The following GHRL variants were observed in gnomAD, a reference collection of about 807,000 sequenced individuals.
GHRL encodes appetite-regulating hormone.
GHRL carries 24 observed loss-of-function variants against 16.9 expected under a neutral mutation model. That is an observed-to-expected ratio of 1.42 (90% CI 1.03 to 2.00). The LOEUF (loss-of-function observed/expected upper bound fraction) is 2.00, where lower values mean the gene tolerates loss of function less well. GHRL is among the 30% of genes most tolerant of loss of function. The probability of loss-of-function intolerance (pLI) is 0.00; values close to 1 mark genes in which losing one functional copy is unlikely to be tolerated. For missense variants in GHRL, 193 were observed against 142.1 expected, an observed-to-expected ratio of 1.36 and a Z score of -1.82; for synonymous variants, 63 against 58.2, an observed-to-expected ratio of 1.08 and a Z score of -0.37.
chr3:10,291,119 C>T lies in GHRL; in HGVS notation c.-433G>A, dbSNP rs537604738. 1.0e-6 allele frequency: 1 copy of T among 985,682 alleles called. No individual in the cohort carries two copies. Among genetic ancestry groups the T allele is most frequent in the Non-Finnish European group, 1.2e-6 (1 of 830,074 alleles). 61.1% of individuals were successfully genotyped at this position (985,682 alleles called of 1,614,324 possible). Reference sequence around the variant, plus strand: ...TGTCATCACTAGGAGAGCTCTGAGACCTCCCCAGTCCAGCGCCCCGTTGTT... The same window carrying T: ...TGTCATCACTAGGAGAGCTCTGAGATCTCCCCAGTCCAGCGCCCCGTTGTT... On this transcript the variant is annotated 5_prime_UTR_variant, in exon 2 of 6. Transcript: ENST00000335542.
At chr3:10,287,914 A>ATTTTT (rs1014353877) in intron 4 of GHRL, 20 of 76,796 alleles carry the variant, frequency 2.6e-4, no homozygotes, top group African/African-American at 8.1e-4. Flanking sequence ...ACATGATTGA[A>ATTTTT]TTTTTTTTTT....
Position 10,291,445 on chromosome 3 carries a change from A to C in GHRL, c.-759T>G, listed in dbSNP as rs1004205530. ...GATGCCTCTTCTGAGAGGGAAGTGC[A>C]TTGGACCTGGAGGTGGAAGATCTAC... On this transcript the variant is annotated 5_prime_UTR_variant, in exon 2 of 6. It removes an upstream start codon present in the reference 5' UTR. Coordinates refer to ENST00000335542, the MANE Select transcript of GHRL (RefSeq NM_016362.5). The C allele has an allele frequency of 7.4e-5, 73 of 985,366 alleles. No individual in the cohort carries two copies. Among genetic ancestry groups the C allele is most frequent in the African/African-American group, 1.0e-4 (6 of 57,242 alleles). The allele number at this position is 985,366 out of a possible 1,614,324, so 61.0% of individuals were successfully genotyped here.
chr3:10,288,505 G>A (rs1315201051), intron 4 of GHRL, among the ~76,000 whole-genome samples: 1 of 152,172 alleles, frequency 6.6e-6, no homozygotes, highest in African/African-American at 2.4e-5. Flanking sequence ...CTGGGTACTG[G>A]GCAGCTCCTC....
Position 10,291,209 on chromosome 3 carries a change from G to A in GHRL, c.-523C>T, listed in dbSNP as rs1699959801. 4 of 985,494 alleles carry A rather than the reference G, an allele frequency of 4.1e-6. No individual in the cohort carries two copies. Among genetic ancestry groups the A allele is most frequent in the African/African-American group, 3.5e-5 (2 of 57,256 alleles). The allele number at this position is 985,494 out of a possible 1,614,324, so 61.0% of individuals were successfully genotyped here. A position where few individuals can be genotyped will look rare whatever the true frequency, so the allele number is the denominator to read the frequency against. On this transcript the variant is annotated 5_prime_UTR_variant, in exon 2 of 6. Transcript: ENST00000335542. ...GGAGTCCGCAGGGAGCCAGGCTGGTGATTCTACACCTTCCCGAGGAGGAGT... is the reference window on the plus strand; with the variant it reads ...GGAGTCCGCAGGGAGCCAGGCTGGTAATTCTACACCTTCCCGAGGAGGAGT...
chr3:10,286,611 A>G, intron 5 of GHRL, 93 bp downstream of exon 5: 1 of 670,816 alleles, frequency 1.5e-6, no homozygotes, highest in Non-Finnish European at 2.7e-6. Context: ...TCTTTTGGAG[A>G]GGCAGAGGTT....
chr3:10,290,269 TCA>T, intron 2 of GHRL, 60 bp from the exon 3 acceptor site: 6 of 1,520,246 alleles, frequency 3.9e-6, no homozygotes, highest in Non-Finnish European at 5.3e-6. Flanking sequence ...CTGAGCTTGC[TCA>T]GGTAGGAGCC....
rs1320074306 is a variant in GHRL, at chr3:10,291,150, T to C, written c.-464A>G. On this transcript the variant is annotated 5_prime_UTR_variant, in exon 2 of 6. An upstream start codon of the reference 5' UTR is lost. Transcript: ENST00000335542. ...CAGTCCAGCGCCCCGTTGTTTCCCATGTGCTGTTGCTGCTCTGGCCTCTGT... is the reference window on the plus strand; with the variant it reads ...CAGTCCAGCGCCCCGTTGTTTCCCACGTGCTGTTGCTGCTCTGGCCTCTGT... 12 of 985,628 alleles carry C rather than the reference T, an allele frequency of 1.2e-5. No homozygotes were observed. Among genetic ancestry groups the C allele is most frequent in the East Asian group, 1.1e-4 (1 of 8,830 alleles). 61.1% of individuals were successfully genotyped at this position (985,628 alleles called of 1,614,324 possible).
intron 2 of GHRL, 149 bp from the exon 3 acceptor site, chr3:10,290,358 A>C: frequency 1.4e-6 from 1 of 693,636 alleles, no homozygotes; most frequent in Non-Finnish European, 2.4e-6. Context: ...CCACCTCCCA[A>C]GGTAGAAGAT....
At chr3:10,288,911 A>G (rs1246886033) in intron 4 of GHRL, among the ~76,000 whole-genome samples, 1 of 152,286 alleles carries the variant, frequency 6.6e-6, no homozygotes, top group South Asian at 2.1e-4. Context: ...ACCTTGGGCA[A>G]GTGAGTTCAC....
chr3:10,287,526 T>G (rs1221544257), intron 4 of GHRL: 2 of 153,762 alleles, frequency 1.3e-5, no homozygotes, highest in Non-Finnish European at 2.9e-5. Context: ...CAGACTTTCC[T>G]TGAGAGCAGA....
chr3:10,291,376 G>A lies in GHRL; in HGVS notation c.-690C>T, dbSNP rs551761749. 6 of 985,530 alleles carry A rather than the reference G, an allele frequency of 6.1e-6. No individual in the cohort carries two copies. The East Asian group carries it at 5.7e-4, about 93-fold the overall frequency. The allele number at this position is 985,530 out of a possible 1,614,324, so 61.0% of individuals were successfully genotyped here. On this transcript the variant is annotated 5_prime_UTR_variant, in exon 2 of 6. Coordinates refer to ENST00000335542, the MANE Select transcript of GHRL (RefSeq NM_016362.5). ...TGGCCTGGCGTTTTTTCACATAGCA[G>A]CTTGCCTTGCCTCCCTCCAGCAGCT...
intron 4 of GHRL, among the ~76,000 whole-genome samples, chr3:10,289,465 C>T (rs936738208): frequency 6.6e-6 from 1 of 152,232 alleles, no homozygotes; most frequent in Non-Finnish European, 1.5e-5. Flanking sequence ...TGTCTCTGGG[C>T]ACTGTATTTT....
intron 4 of GHRL, chr3:10,287,499 C>T (rs1309246552): frequency 6.5e-6 from 1 of 153,776 alleles, no homozygotes. Flanking sequence ...GGAAGGAGCT[C>T]TGCTGCAGCC....
chr3:10,291,280 G>C lies in GHRL; in HGVS notation c.-594C>G, dbSNP rs965594026. 1.0e-6 allele frequency: 1 copy of C among 985,366 alleles called. No individual in the cohort carries two copies. Among genetic ancestry groups the C allele is most frequent in the East Asian group, 1.1e-4 (1 of 8,824 alleles). The allele number at this position is 985,366 out of a possible 1,614,324, so 61.0% of individuals were successfully genotyped here. A position where few individuals can be genotyped will look rare whatever the true frequency, so the allele number is the denominator to read the frequency against. On this transcript the variant is annotated 5_prime_UTR_variant, in exon 2 of 6. Coordinates refer to ENST00000335542, the MANE Select transcript of GHRL (RefSeq NM_016362.5). The stretch of plus-strand genomic sequence containing the variant: ...ACTGCTCCTGATCATCCTCTCCAGA[G>C]AGTGGGTGTGGGGATAACTTCAGCC...
At position 10,286,711 on chromosome 3, in the gene GHRL, C is replaced by G; in HGVS notation, c.327G>C (p.Glu109Asp). 6.3e-7 allele frequency: 1 copy of G among 1,585,452 alleles called. No individual in the cohort carries two copies. Among genetic ancestry groups the G allele is most frequent in the Non-Finnish European group, 8.7e-7 (1 of 1,153,758 alleles). Residue 109 changes from glutamate (E) to aspartate (D), a missense_variant, in exon 5 of 6, where the codon GAG becomes GAC. By Grantham distance (45) the Glu-to-Asp change is conservative. Coordinates refer to ENST00000335542, the MANE Select transcript of GHRL (RefSeq NM_016362.5). ...AGTCCAGGCAGGACTCACCTTTGGC[C>G]TCTTCCCAGAGGATGTCCTGAAGAA... The part of the protein sequence containing the change: ...GKFLQDILWE[E>D]AKEAPADK
chr3:10,289,705 T>A, intron 4 of GHRL, 57 bp downstream of exon 4: 3 of 1,041,854 alleles, frequency 2.9e-6, no homozygotes, highest in Non-Finnish European at 4.5e-6. Context: ...GCCCTCCCTC[T>A]CCCCTGACCC....
Position 10,291,390 on chromosome 3 carries a change from C to G in GHRL, c.-704G>C, listed in dbSNP as rs1699993683. 2 of 985,414 alleles carry G rather than the reference C, an allele frequency of 2.0e-6. No homozygotes were observed. Among genetic ancestry groups the G allele is most frequent in the Admixed American group, 1.2e-4 (2 of 16,266 alleles). The allele number at this position is 985,414 out of a possible 1,614,324, so 61.0% of individuals were successfully genotyped here. On this transcript the variant is annotated 5_prime_UTR_variant, in exon 2 of 6. Transcript: ENST00000335542. ...TTCACATAGCAGCTTGCCTTGCCTC[C>G]CTCCAGCAGCTTTGGTCCCTATTTT...
At chr3:10,285,943 G>A in intron 5 of GHRL, 49 bp from the exon 6 acceptor site, 4 of 1,566,182 alleles carry the variant, frequency 2.6e-6, no homozygotes, top group Non-Finnish European at 3.5e-6. Flanking sequence ...CGTCCTGCTA[G>A]TGCTTTTCTT....
Position 10,292,930 on chromosome 3 carries a change from T to A in GHRL, c.-854A>T. 6.6e-7 allele frequency: 1 copy of A among 1,519,436 alleles called. No homozygotes were observed. Among genetic ancestry groups the A allele is most frequent in the Non-Finnish European group, 8.9e-7 (1 of 1,126,926 alleles). 94.1% of individuals were successfully genotyped at this position (1,519,436 alleles called of 1,614,324 possible). On this transcript the variant is annotated 5_prime_UTR_variant, in exon 1 of 6. Coordinates refer to ENST00000335542, the MANE Select transcript of GHRL (RefSeq NM_016362.5). ...AGTAAACATCCACTGTGCAAAGCTG[T>A]GTTATCTTTGGGGAACTGAAATGTC...
Sources: gnomAD v4.1 joint callset for allele counts (sites outside exome capture counted in the v4.1 genomes callset) on GRCh38, gnomAD v4.1.1 for gene constraint, MANE v1.5 for transcripts, NCBI Gene and HGNC (gene_info 2026-07-23, HGNC 2026-07-21) for gene names.